FEZ1: variants seen among roughly 807,000 people sequenced by gnomAD.
The protein encoded by FEZ1 is fasciculation and elongation protein zeta-1.
In FEZ1, 20 loss-of-function variants were observed where a neutral mutation model predicts 49.3. The ratio of observed to expected loss-of-function variants is 0.41; its 90% CI spans 0.29 to 0.59. The LOEUF is 0.59. FEZ1 is among the 20% of genes least tolerant of loss of function. The pLI is 0.36. For synonymous variants in FEZ1, 170 were observed against 180.9 expected, an observed-to-expected ratio of 0.94 and a Z score of 0.48; for missense variants, 413 against 476.0, an observed-to-expected ratio of 0.87 and a Z score of 1.23.
At chr11:125,447,428 T>C (rs920745910) in intron 9 of FEZ1, among the ~76,000 whole-genome samples, 1 of 152,226 alleles carries the variant, frequency 6.6e-6, no homozygotes, top group Non-Finnish European at 1.5e-5. Flanking sequence ...TATTATTATC[T>C]AATTGCAACC....
Position 125,495,459 on chromosome 11 carries a change from C to G in FEZ1, c.-46+662G>C, listed in dbSNP as rs1404300046. 24 of 470,420 alleles carry G rather than the reference C, an allele frequency of 5.1e-5. No homozygotes were observed. In the Admixed American group the frequency reaches 5.6e-4, roughly 11 times the overall value. 29.1% of individuals were successfully genotyped at this position (470,420 alleles called of 1,614,324 possible). A position where few individuals can be genotyped will look rare whatever the true frequency, so the allele number is the denominator to read the frequency against. On this transcript the variant is annotated intron_variant, in intron 1 of 9. Coordinates refer to ENST00000278919, the MANE Select transcript of FEZ1 (RefSeq NM_005103.5). The surrounding 1 kb of genome is among the most constrained non-coding windows in gnomAD (Gnocchi z 4.2). Reference sequence around the variant, plus strand: ...GCCCACCCGACGGCAGCGCGCCCCGCCACCGCGCAGCCGCCCCGGTCCCTT... The same window carrying G: ...GCCCACCCGACGGCAGCGCGCCCCGGCACCGCGCAGCCGCCCCGGTCCCTT...
In FEZ1 at chr11:125,444,889, C is replaced by A. The variant is rs562130224; in HGVS notation, c.*1206G>T. Among the ~76,000 whole-genome samples the A allele has an allele frequency of 2.0e-5, 3 of 152,190 alleles. No individual in the cohort carries two copies. The highest frequency in any genetic ancestry group is 4.4e-5 in the Non-Finnish European group (3 of 68,050). On this transcript the variant is annotated 3_prime_UTR_variant, in exon 10 of 10. Coordinates refer to ENST00000278919, the MANE Select transcript of FEZ1 (RefSeq NM_005103.5). ...GGGATCATACTAGCACCTGTTTACA[C>A]GTGGTGATGCTGTGATGTGTGCTAA...
In FEZ1 at chr11:125,490,517, G is replaced by T. The variant is rs576492557; in HGVS notation, c.-45-695C>A. On this transcript the variant is annotated intron_variant, in intron 1 of 9. Coordinates refer to ENST00000278919, the MANE Select transcript of FEZ1 (RefSeq NM_005103.5). ...CTGGCCCCAGGGGTTTTGGATAAGGGTTTGTATACCTAGATATTACTACCC... is the reference window on the plus strand; with the variant it reads ...CTGGCCCCAGGGGTTTTGGATAAGGTTTTGTATACCTAGATATTACTACCC... Among the ~76,000 whole-genome samples the T allele has an allele frequency of 4.6e-5, 7 of 152,194 alleles. No homozygotes were observed. In the East Asian group the frequency reaches 1.2e-3, roughly 25 times the overall value.
Position 125,454,221 on chromosome 11 carries a change from G to A in FEZ1, c.940-11C>T, listed in dbSNP as rs1032797625. ...TTCCATGCTGAAGCGCTGTGGGGGA[G>A]AGAGACTCAAGAAGGGCAAATGCTT... On this transcript the variant is annotated splice_polypyrimidine_tract_variant and intron_variant, in intron 6 of 9. Transcript: ENST00000278919. The A allele has an allele frequency of 1.2e-6, 2 of 1,610,526 alleles. No individual in the cohort carries two copies. The highest frequency in any genetic ancestry group is 1.3e-5 in the African/African-American group (1 of 74,822).
chr11:125,477,514 C>A (rs369709600), intron 3 of FEZ1, among the ~76,000 whole-genome samples: 289 of 151,970 alleles, frequency 1.9e-3, no homozygotes, highest in South Asian at 0.01. Context: ...CACACACACA[C>A]AAAAAATTAG....
intron 7 of FEZ1, 123 bp downstream of exon 7, chr11:125,454,007 G>T: frequency 1.9e-6 from 1 of 537,802 alleles, no homozygotes. Flanking sequence ...AAAGTGTTAG[G>T]ACCCCTAACC....
intron 3 of FEZ1, among the ~76,000 whole-genome samples, chr11:125,480,260 C>T (rs1309491517): frequency 2.0e-5 from 3 of 152,108 alleles, no homozygotes; most frequent in Non-Finnish European, 2.9e-5. Context: ...CCTGTAGTCC[C>T]AGCTACTCGG....
chr11:125,478,260 T>C (rs980142874), intron 3 of FEZ1, among the ~76,000 whole-genome samples: 6 of 151,818 alleles, frequency 4.0e-5, no homozygotes, highest in African/African-American at 1.5e-4. Flanking sequence ...CTGGGCAACA[T>C]AGTGAAACCC....
chr11:125,458,298 G>T (rs1299057878), intron 5 of FEZ1, among the ~76,000 whole-genome samples: 1 of 152,168 alleles, frequency 6.6e-6, no homozygotes, highest in Admixed American at 6.5e-5. Flanking sequence ...CTAGGATGGG[G>T]CCCCTTCTGC....
At chr11:125,483,168 G>A (rs1329332160) in intron 2 of FEZ1, among the ~76,000 whole-genome samples, 2 of 151,730 alleles carry the variant, frequency 1.3e-5, no homozygotes, top group Non-Finnish European at 1.5e-5. Context: ...AAGTAATGAG[G>A]GCACTATTAA....
intron 5 of FEZ1, among the ~76,000 whole-genome samples, chr11:125,459,392 G>A (rs1296827030): frequency 1.3e-5 from 2 of 152,042 alleles, no homozygotes; most frequent in South Asian, 2.1e-4. Context: ...AGGAGTTTGA[G>A]AACAGCCTGG....
chr11:125,449,931 T>C (rs897131925), intron 8 of FEZ1, among the ~76,000 whole-genome samples: 5 of 152,034 alleles, frequency 3.3e-5, no homozygotes, highest in African/African-American at 7.2e-5. Context: ...CCTGAGGCCA[T>C]TGAGGGGTTG....
chr11:125,450,341 T>G (rs1018541768), intron 8 of FEZ1, among the ~76,000 whole-genome samples: 1 of 152,234 alleles, frequency 6.6e-6, no homozygotes, highest in African/African-American at 2.4e-5. Flanking sequence ...GTTTTATTTT[T>G]TTCTGCATTT....
At chr11:125,447,602 A>G (rs1956909821) in intron 9 of FEZ1, among the ~76,000 whole-genome samples, 1 of 152,138 alleles carries the variant, frequency 6.6e-6, no homozygotes, top group South Asian at 2.1e-4. Context: ...CGAGTGGATC[A>G]CCTGAAGTCA....
chr11:125,446,194 G>A, intron 9 of FEZ1, 83 bp from the exon 10 acceptor site: 1 of 1,323,926 alleles, frequency 7.6e-7, no homozygotes, highest in Non-Finnish European at 1.1e-6. Context: ...CCCTAGCTGA[G>A]AGCAGTCACA....
At chr11:125,487,910 A>G (rs1957340714) in intron 2 of FEZ1, among the ~76,000 whole-genome samples, 1 of 152,216 alleles carries the variant, frequency 6.6e-6, no homozygotes, top group South Asian at 2.1e-4. Flanking sequence ...ACCCTCTCCC[A>G]AATACAGTCA....
At chr11:125,468,336 C>T (rs1957153009) in intron 3 of FEZ1, among the ~76,000 whole-genome samples, 1 of 152,062 alleles carries the variant, frequency 6.6e-6, no homozygotes, top group African/African-American at 2.4e-5. Flanking sequence ...CACCACCACT[C>T]ATGGCAAACT....
chr11:125,463,754 C>T (rs938518383), intron 3 of FEZ1, among the ~76,000 whole-genome samples, 184 bp from the exon 4 acceptor site: 2 of 152,214 alleles, frequency 1.3e-5, no homozygotes, highest in Admixed American at 6.5e-5. Flanking sequence ...CCATCACTAA[C>T]TCCAGCATGC....
In FEZ1 at chr11:125,446,002, C is replaced by A. The variant is rs974580803; in HGVS notation, c.*93G>T. 3.2e-6 allele frequency: 4 copies of A among 1,261,398 alleles called. No individual in the cohort carries two copies. Among genetic ancestry groups the A allele is most frequent in the African/African-American group, 1.5e-5 (1 of 67,950 alleles). 78.1% of individuals were successfully genotyped at this position (1,261,398 alleles called of 1,614,324 possible). On this transcript the variant is annotated 3_prime_UTR_variant, in exon 10 of 10. Coordinates refer to ENST00000278919, the MANE Select transcript of FEZ1 (RefSeq NM_005103.5). ...AGGTTAAGCTATACACGTTTAAATACATGTCGGAGGTTACATGGTCTCATG... is the reference window on the plus strand; with the variant it reads ...AGGTTAAGCTATACACGTTTAAATAAATGTCGGAGGTTACATGGTCTCATG...
Sources: allele counts gnomAD v4.1 joint callset (sites outside exome capture counted in the v4.1 genomes callset), GRCh38; gene constraint gnomAD v4.1.1; non-coding constraint Gnocchi (gnomAD v3.1); transcripts MANE v1.5; gene names NCBI Gene and HGNC (gene_info 2026-07-23, HGNC 2026-07-21).